Variants in CA1 observed in about 807,000 individuals in gnomAD.
The protein encoded by CA1 is carbonate dehydratase I.
Under a neutral mutation model 28.8 loss-of-function variants are expected in CA1, and 27 were observed. The ratio of observed to expected loss-of-function variants is 0.94; its 90% CI spans 0.69 to 1.29. The LOEUF (loss-of-function observed/expected upper bound fraction) is 1.29, where lower values mean the gene tolerates loss of function less well. CA1 is among the 50% of genes most tolerant of loss of function. The pLI is 0.00. For synonymous variants in CA1, 121 were observed against 108.8 expected, an observed-to-expected ratio of 1.11 and a Z score of -0.70; for missense variants, 335 against 310.5, an observed-to-expected ratio of 1.08 and a Z score of -0.59.
intron 1 of CA1, among the ~76,000 whole-genome samples, chr8:85,372,139 A>C (rs948525317): frequency 6.6e-6 from 1 of 152,186 alleles, no homozygotes; most frequent in East Asian, 1.9e-4. Flanking sequence ...TCATTTTACA[A>C]GCGAGGAAAC....
intron 1 of CA1, among the ~76,000 whole-genome samples, chr8:85,368,161 GTAA>G (rs921493934): frequency 5.3e-5 from 8 of 151,278 alleles, no homozygotes; most frequent in Admixed American, 1.3e-4. Context: ...ATTTAAAATA[GTAA>G]TAATAATAAT....
chr8:85,337,960 A>G (rs1245946949), intron 3 of CA1: 15 of 507,586 alleles, frequency 3.0e-5, no homozygotes, highest in Non-Finnish European at 4.7e-5. Flanking sequence ...ACCTTTCTGG[A>G]TAAATGCTGT....
rs534327540 is a variant in CA1, at chr8:85,356,213, G to A, written c.-24-14554C>T. ...GCCTTCTACACACAGCTTTTCTCAT[G>A]TACTCACTCTAACCTTCTATTTGCA... On this transcript the variant is annotated intron_variant, in intron 1 of 7. Coordinates refer to ENST00000523022, the MANE Select transcript of CA1 (RefSeq NM_001128831.4). Among the ~76,000 whole-genome samples the A allele has an allele frequency of 9.4e-4, 143 of 152,252 alleles. 5 individuals carry two copies. In the South Asian group the frequency reaches 0.027, roughly 29 times the overall value.
intron 4 of CA1, among the ~76,000 whole-genome samples, chr8:85,334,291 TACA>T (rs1232127802): frequency 6.6e-6 from 1 of 152,168 alleles, no homozygotes; most frequent in Non-Finnish European, 1.5e-5. Context: ...AATCAATAAG[TACA>T]ACAACTATCA....
At chr8:85,376,658 AAAATAAAT>A (rs200425469) in intron 1 of CA1, among the ~76,000 whole-genome samples, 1,457 of 140,116 alleles carry the variant, frequency 0.01, 19 homozygotes, top group South Asian at 0.037. Context: ...AATTGTCTCA[AAAATAAAT>A]AAATAAATAA....
chr8:85,332,170 C>T (rs1808433732), intron 6 of CA1, among the ~76,000 whole-genome samples: 1 of 152,074 alleles, frequency 6.6e-6, no homozygotes, highest in Non-Finnish European at 1.5e-5. Flanking sequence ...CTAGAGATAT[C>T]TTTATTTATC....
At position 85,366,165 on chromosome 8, in the gene CA1, C is replaced by CTT. The variant is rs11395706; in HGVS notation, c.-25+11879_-25+11880dup. 8.7e-3 allele frequency among the ~76,000 whole-genome samples: 1,112 copies of CTT among 128,220 alleles called. 10 individuals are homozygous for CTT. The highest frequency in any genetic ancestry group is 0.018 in the African/African-American group (610 of 33,178). 84.1% of individuals were successfully genotyped at this position (128,220 alleles called of 152,430 possible). ...AAGCCCCACCATGCTCTTTCTTCCC[C>CTT]TTTTTTTTTTTTTTTTTTTTAAGTT... On this transcript the variant is annotated intron_variant, in intron 1 of 7. Transcript: ENST00000523022.
At chr8:85,376,696 A>T (rs1386474886) in intron 1 of CA1, among the ~76,000 whole-genome samples, 1 of 150,702 alleles carries the variant, frequency 6.6e-6, no homozygotes, top group East Asian at 1.9e-4. Context: ...TAAATAAATA[A>T]ATAAATAAAT....
At chr8:85,375,181 C>T (rs1564054635) in intron 1 of CA1, among the ~76,000 whole-genome samples, 1 of 152,172 alleles carries the variant, frequency 6.6e-6, no homozygotes, top group Non-Finnish European at 1.5e-5. Flanking sequence ...GTCTGTCTCA[C>T]TCCAACATTT....
chr8:85,329,740 C>G lies in CA1; in HGVS notation c.618G>C (p.Glu206Asp). Residue 206 changes from glutamate to aspartate, a missense_variant, in exon 7 of 8, where the codon GAG becomes GAC. Transcript: ENST00000523022. ...PGSLTHPPLY[E>D]SVTWIICKES... ...CCTTACAGATGATCCAAGTTACACT[C>G]TCATAAAGAGGAGGATGAGTCAGAG... 1.9e-6 allele frequency: 3 copies of G among 1,608,758 alleles called. No homozygotes were observed. The highest frequency in any genetic ancestry group is 2.5e-6 in the Non-Finnish European group (3 of 1,177,198).
At chr8:85,375,500 T>G (rs533687639) in intron 1 of CA1, among the ~76,000 whole-genome samples, 1 of 140,582 alleles carries the variant, frequency 7.1e-6, no homozygotes, top group South Asian at 2.4e-4. Flanking sequence ...AAAATACCTG[T>G]TTTTTTCCTT....
At chr8:85,335,512 AGTCAGCT>A (rs1297867280) in intron 4 of CA1, among the ~76,000 whole-genome samples, 2 of 152,166 alleles carry the variant, frequency 1.3e-5, no homozygotes, top group East Asian at 3.9e-4. Flanking sequence ...AAACCCTGGC[AGTCAGCT>A]GGGTACTTGC....
intron 1 of CA1, among the ~76,000 whole-genome samples, chr8:85,347,686 G>C (rs1341324071): frequency 6.6e-6 from 1 of 152,074 alleles, no homozygotes; most frequent in Non-Finnish European, 1.5e-5. Flanking sequence ...TGAGTGCTGG[G>C]CTTCTCCACT....
At chr8:85,355,446 G>A (rs1809566816) in intron 1 of CA1, among the ~76,000 whole-genome samples, 1 of 151,968 alleles carries the variant, frequency 6.6e-6, no homozygotes. Context: ...CACCCAGGCT[G>A]GGTGCAGATC....
At chr8:85,356,860 C>T (rs1242663796) in intron 1 of CA1, among the ~76,000 whole-genome samples, 1 of 152,140 alleles carries the variant, frequency 6.6e-6, no homozygotes, top group Non-Finnish European at 1.5e-5. Context: ...AAAATTTCCT[C>T]AACCCTTAAA....
intron 1 of CA1, among the ~76,000 whole-genome samples, chr8:85,371,599 G>C (rs1810230679): frequency 6.6e-6 from 1 of 152,166 alleles, no homozygotes; most frequent in Non-Finnish European, 1.5e-5. Flanking sequence ...CTTGTCAGCA[G>C]TAGTCAGGTA....
intron 1 of CA1, among the ~76,000 whole-genome samples, chr8:85,359,204 C>T (rs1809706594): frequency 6.6e-6 from 1 of 152,184 alleles, no homozygotes; most frequent in East Asian, 1.9e-4. Context: ...AAGCCATATT[C>T]TCTTAATGGT....
At chr8:85,331,623 A>AT (rs1808407499) in intron 6 of CA1, among the ~76,000 whole-genome samples, 1 of 151,526 alleles carries the variant, frequency 6.6e-6, no homozygotes, top group African/African-American at 2.4e-5. Flanking sequence ...CGCCCAGCTA[A>AT]TTTTTTGTAT....
At position 85,333,544 on chromosome 8, in the gene CA1, A is replaced by G; in HGVS notation, c.431T>C (p.Val144Ala). The G allele has an allele frequency of 6.2e-7, 1 of 1,611,512 alleles. No homozygotes were observed. Among genetic ancestry groups the G allele is most frequent in the South Asian group, 1.1e-5 (1 of 91,024 alleles). ...ACTCACCTTCATCAAAACACCAATA[A>G]CTGCCAAACCATCAGCCTTTGAGGC... ...EAASKADGLA[V>A]IGVLMKVGEA... The change falls in exon 5 of 8, where the codon GTT becomes GCT. Residue 144 changes from valine to alanine, a missense_variant. Val to Ala is a moderately conservative substitution (Grantham distance 64). Coordinates refer to ENST00000523022, the MANE Select transcript of CA1 (RefSeq NM_001128831.4).
Sources: gnomAD v4.1 joint callset for allele counts (sites outside exome capture counted in the v4.1 genomes callset) on GRCh38, gnomAD v4.1.1 for gene constraint, MANE v1.5 for transcripts, NCBI Gene and HGNC (gene_info 2026-07-23, HGNC 2026-07-21) for gene names.